KLHL20: variants seen among roughly 807,000 people sequenced by gnomAD.
The protein encoded by KLHL20 is kelch-like protein 20.
Under a neutral mutation model 69.5 loss-of-function variants are expected in KLHL20, and 29 were observed. That is an observed-to-expected ratio of 0.42 (90% CI 0.31 to 0.57). The LOEUF (loss-of-function observed/expected upper bound fraction) is 0.57. KLHL20 is among the 20% of genes least tolerant of loss of function. The pLI is 0.18. For missense variants in KLHL20, 419 were observed against 776.0 expected (o/e 0.54, Z 5.47); for synonymous variants, 253 against 265.2 (o/e 0.95, Z 0.45).
intron 2 of KLHL20, among the ~76,000 whole-genome samples, chr1:173,732,173 C>T (rs946666344): frequency 1.3e-4 from 20 of 150,524 alleles, no homozygotes; most frequent in Admixed American, 8.0e-4. Context: ...GCCCAGCCTC[C>T]GTGACAGAGC....
intron 10 of KLHL20, among the ~76,000 whole-genome samples, chr1:173,781,047 G>A (rs1648839728): frequency 7.2e-6 from 1 of 139,294 alleles, no homozygotes; most frequent in Non-Finnish European, 1.6e-5. Flanking sequence ...GGAGGAGGGA[G>A]GGAGGTGGGG....
chr1:173,747,224 A>T (rs1439427744), intron 3 of KLHL20, among the ~76,000 whole-genome samples: 1 of 151,978 alleles, frequency 6.6e-6, no homozygotes, highest in Non-Finnish European at 1.5e-5. Flanking sequence ...CTTATTGATT[A>T]TGTCGCTTGG....
intron 3 of KLHL20, chr1:173,741,653 G>A (rs1672814808): frequency 3.5e-6 from 2 of 576,818 alleles, no homozygotes; most frequent in African/African-American, 1.9e-5. Context: ...CTTTCTGGTG[G>A]TGATGACCTT....
intron 2 of KLHL20, among the ~76,000 whole-genome samples, chr1:173,722,101 C>T (rs1671742152): frequency 6.6e-6 from 1 of 152,020 alleles, no homozygotes; most frequent in Admixed American, 6.6e-5. Flanking sequence ...TCACACATGT[C>T]ACCACACCTG....
At chr1:173,739,868 T>C (rs1307983067) in intron 3 of KLHL20, among the ~76,000 whole-genome samples, 1 of 151,510 alleles carries the variant, frequency 6.6e-6, no homozygotes, top group African/African-American at 2.4e-5. Flanking sequence ...CTCGAACTCC[T>C]GACCTCAGGT....
intron 3 of KLHL20, among the ~76,000 whole-genome samples, chr1:173,749,470 C>T (rs72709396): frequency 0.027 from 4,085 of 152,218 alleles, 82 homozygotes; most frequent in Non-Finnish European, 0.043. Context: ...ATTTTCTTAA[C>T]TTGGTTATTT....
At chr1:173,730,650 G>C (rs1672224563) in intron 2 of KLHL20, among the ~76,000 whole-genome samples, 1 of 152,186 alleles carries the variant, frequency 6.6e-6, no homozygotes, top group Admixed American at 6.5e-5. Context: ...ATGGTGCTGG[G>C]AAAACTGGCT....
At chr1:173,765,521 G>T (rs1035340031) in intron 7 of KLHL20, among the ~76,000 whole-genome samples, 1 of 151,764 alleles carries the variant, frequency 6.6e-6, no homozygotes, top group African/African-American at 2.4e-5. Flanking sequence ...AAAAAATTAA[G>T]CATACTGTTT....
chr1:173,761,754 G>A (rs1198467653), intron 7 of KLHL20, among the ~76,000 whole-genome samples: 1 of 152,136 alleles, frequency 6.6e-6, no homozygotes, highest in Non-Finnish European at 1.5e-5. Context: ...TAAGAGGAAA[G>A]TTCATAGCCC....
rs753006158 is a variant in KLHL20, at chr1:173,734,146, A to G, written c.457A>G (p.Ile153Val). 6.2e-7 allele frequency: 1 copy of G among 1,614,236 alleles called. No individual in the cohort carries two copies. Among genetic ancestry groups the G allele is most frequent in the Non-Finnish European group, 8.5e-7 (1 of 1,180,036 alleles). ...TGCTTGCCTCCTCCAGCTGGCAGAAATACAGGAAGCCTGCTGTGAATTCTT... is the reference window on the plus strand; with the variant it reads ...TGCTTGCCTCCTCCAGCTGGCAGAAGTACAGGAAGCCTGCTGTGAATTCTT... Reference protein sequence around the residue: ...PAACLLQLAEIQEACCEFLKR... With the variant: ...PAACLLQLAEVQEACCEFLKR... Residue 153 changes from isoleucine (I) to valine (V), a missense_variant, in exon 3 of 12, where the codon ATA (isoleucine) becomes GTA (valine). This residue lies in a region of KLHL20 where 99 missense variants were observed against 240.7 expected (regional missense o/e 0.41). Coordinates refer to ENST00000209884, the MANE Select transcript of KLHL20 (RefSeq NM_014458.4).
intron 2 of KLHL20, among the ~76,000 whole-genome samples, chr1:173,724,142 A>G (rs1437194104): frequency 6.6e-6 from 1 of 151,522 alleles, no homozygotes; most frequent in African/African-American, 2.4e-5. Context: ...ATATATACAC[A>G]TACACATACA....
At chr1:173,748,883 A>T (rs1370242538) in intron 3 of KLHL20, among the ~76,000 whole-genome samples, 1 of 152,078 alleles carries the variant, frequency 6.6e-6, no homozygotes, top group Non-Finnish European at 1.5e-5. Context: ...TACACTTAAA[A>T]TTTTTTTTAA....
rs1229669231 is a variant in KLHL20 at position 173,733,779 on chromosome 1, C to T, written c.90C>T (p.Pro30=). The change falls in exon 3 of 12, where the codon CCC becomes CCT. Residue 30 remains proline (P), a synonymous_variant. Transcript: ENST00000209884. ...CAAGCCGCTGCACCCTTGGAGACCC[C>T]AACAAACTGCCAGAAGGGGTTCCCC... ...DVTSRCTLGD[P]NKLPEGVPQP... 6.2e-7 allele frequency: 1 copy of T among 1,614,124 alleles called. No individual in the cohort carries two copies. Among genetic ancestry groups the T allele is most frequent in the Admixed American group, 1.7e-5 (1 of 60,004 alleles).
intron 3 of KLHL20, among the ~76,000 whole-genome samples, chr1:173,751,508 A>G (rs557749919): frequency 2.6e-5 from 4 of 152,186 alleles, no homozygotes; most frequent in Middle Eastern, 6.8e-3. Context: ...TTGAATATAA[A>G]TTTTTATTTT....
At chr1:173,763,867 A>AAT (rs1401137265) in intron 7 of KLHL20, among the ~76,000 whole-genome samples, 2 of 55,652 alleles carry the variant, frequency 3.6e-5, no homozygotes, top group Non-Finnish European at 6.3e-5. Flanking sequence ...CAAATGCAAT[A>AAT]AAAAAAAAAA....
chr1:173,785,315 C>A lies in KLHL20; in HGVS notation c.*68C>A. On this transcript the variant is annotated 3_prime_UTR_variant, in exon 12 of 12. Transcript: ENST00000209884. ...GGAGCTTTGACCTTGGAGCTTTGTA[C>A]AGCTTGAGAAAACATTAGAACAAAT... 1 of 1,085,026 alleles carries A rather than the reference C, an allele frequency of 9.2e-7. No individual in the cohort carries two copies. Among genetic ancestry groups the A allele is most frequent in the Non-Finnish European group, 1.3e-6 (1 of 765,116 alleles). The allele number at this position is 1,085,026 out of a possible 1,614,324, so 67.2% of individuals were successfully genotyped here.
chr1:173,731,290 A>G (rs959192925), intron 2 of KLHL20, among the ~76,000 whole-genome samples: 14 of 152,256 alleles, frequency 9.2e-5, no homozygotes, highest in African/African-American at 3.4e-4. Context: ...TAGTTCAACC[A>G]TTGTGGAAGT....
chr1:173,733,341 T>G (rs1372932289), intron 2 of KLHL20, among the ~76,000 whole-genome samples: 2 of 152,222 alleles, frequency 1.3e-5, no homozygotes, highest in Non-Finnish European at 2.9e-5. Flanking sequence ...TATATTGTCT[T>G]TAATTTGAAA....
In KLHL20 at chr1:173,786,222, A is replaced by C. The variant is rs1378570620; in HGVS notation, c.*975A>C. On this transcript the variant is annotated 3_prime_UTR_variant, in exon 12 of 12. Coordinates refer to ENST00000209884, the MANE Select transcript of KLHL20 (RefSeq NM_014458.4). ...ATAACAGCCTCCAAGGGAATGAATT[A>C]TTCAGTTAATGTAATAGCACACATT... The C allele has an allele frequency of 2.0e-5, 3 of 152,660 alleles. No individual in the cohort carries two copies. Among genetic ancestry groups the C allele is most frequent in the Admixed American group, 6.5e-5 (1 of 15,272 alleles). 9.5% of individuals were successfully genotyped at this position (152,660 alleles called of 1,614,324 possible).
Sources: allele counts gnomAD v4.1 joint callset (sites outside exome capture counted in the v4.1 genomes callset), GRCh38; gene constraint gnomAD v4.1.1; regional missense constraint gnomAD v4.1.1; transcripts MANE v1.5; gene names NCBI Gene and HGNC (gene_info 2026-07-23, HGNC 2026-07-21).